MED6: variants seen among roughly 807,000 people sequenced by gnomAD.
MED6 encodes the protein mediator complex subunit 6.
Under a neutral mutation model 37.5 loss-of-function variants are expected in MED6, and 33 were observed. The ratio of observed to expected loss-of-function variants is 0.88; its 90% CI spans 0.67 to 1.18. MED6 has a LOEUF of 1.18. Ranked by LOEUF, MED6 falls within the 50% of genes most tolerant of loss-of-function variation. The pLI is 0.00. For missense variants in MED6, 235 were observed against 290.6 expected, an observed-to-expected ratio of 0.81 and a Z score of 1.39; for synonymous variants, 94 against 93.6, an observed-to-expected ratio of 1.00 and a Z score of -0.02.
In MED6 at chr14:70,593,391, GA is replaced by G; in HGVS notation, c.275-14del. ...GCTAGTGGGATAACTAAAACAGTGG[GA>G]AAAAAGGTTTATAAATACAGCTATG... On this transcript the variant is annotated splice_polypyrimidine_tract_variant and intron_variant, in intron 3 of 7. Transcript: ENST00000256379. The G allele has an allele frequency of 1.3e-6, 2 of 1,593,104 alleles. No individual in the cohort carries two copies. The highest frequency in any genetic ancestry group is 1.7e-6 in the Non-Finnish European group (2 of 1,165,290).
In MED6 at chr14:70,584,169, T is replaced by C; in HGVS notation, c.*644A>G. 1 of 757,838 alleles carries C rather than the reference T, an allele frequency of 1.3e-6. No homozygotes were observed. Among genetic ancestry groups the C allele is most frequent in the Admixed American group, 1.7e-5 (1 of 57,258 alleles). 46.9% of individuals were successfully genotyped at this position (757,838 alleles called of 1,614,324 possible). On this transcript the variant is annotated 3_prime_UTR_variant, in exon 8 of 8. Coordinates refer to ENST00000256379, the MANE Select transcript of MED6 (RefSeq NM_005466.4). ...AATATGCTTAGTTACTACTTTAACATCCTTTATGTCTTCAAAGTGCATCTG... is the reference window on the plus strand; with the variant it reads ...AATATGCTTAGTTACTACTTTAACACCCTTTATGTCTTCAAAGTGCATCTG...
chr14:70,598,224 G>A (rs1329171654), intron 1 of MED6, among the ~76,000 whole-genome samples: 1 of 151,940 alleles, frequency 6.6e-6, no homozygotes, highest in Non-Finnish European at 1.5e-5. Context: ...CACCCAGAAG[G>A]TCTCGGAGAT....
chr14:70,591,583 T>C (rs569456256), intron 5 of MED6: 57 of 477,902 alleles, frequency 1.2e-4, no homozygotes, highest in Non-Finnish European at 1.7e-4. Flanking sequence ...AGTTAAATTC[T>C]AACATTTAAG....
chr14:70,594,731 G>A (rs1884990585), intron 3 of MED6: 2 of 484,386 alleles, frequency 4.1e-6, no homozygotes, highest in Non-Finnish European at 7.7e-6. Flanking sequence ...TGGGGTACAG[G>A]AGCCTGGCCA....
rs1284773945 is a variant in MED6, at chr14:70,584,689, A to G, written c.*124T>C. The G allele has an allele frequency of 3.1e-6, 4 of 1,310,996 alleles. No individual in the cohort carries two copies. The highest frequency in any genetic ancestry group is 1.5e-5 in the African/African-American group (1 of 66,498). The allele number at this position is 1,310,996 out of a possible 1,614,324, so 81.2% of individuals were successfully genotyped here. A position where few individuals can be genotyped will look rare whatever the true frequency, so the allele number is the denominator to read the frequency against. ...CCACATCCGGCCTAATATCCTTTCAAAAAATAAGCGCATTCCATACAAATA... is the reference window on the plus strand; with the variant it reads ...CCACATCCGGCCTAATATCCTTTCAGAAAATAAGCGCATTCCATACAAATA... On this transcript the variant is annotated 3_prime_UTR_variant, in exon 8 of 8. Coordinates refer to ENST00000256379, the MANE Select transcript of MED6 (RefSeq NM_005466.4).
At chr14:70,598,393 T>A (rs1402938760) in intron 1 of MED6, among the ~76,000 whole-genome samples, 1 of 152,028 alleles carries the variant, frequency 6.6e-6, no homozygotes, top group Non-Finnish European at 1.5e-5. Context: ...GAGAATCACT[T>A]GGACCCAAGA....
At chr14:70,586,765 C>A (rs941098916) in intron 6 of MED6, among the ~76,000 whole-genome samples, 2 of 152,150 alleles carry the variant, frequency 1.3e-5, no homozygotes, top group African/African-American at 4.8e-5. Context: ...CTATCCTACT[C>A]CAACTGCAAG....
In MED6 at chr14:70,588,162, T is replaced by C. The variant is rs1232749313; in HGVS notation, c.583-2379A>G. 2.6e-5 allele frequency among the ~76,000 whole-genome samples: 4 copies of C among 152,180 alleles called. No individual in the cohort carries two copies. The East Asian group carries it at 7.7e-4, about 29-fold the overall frequency. On this transcript the variant is annotated intron_variant, in intron 6 of 7. Transcript: ENST00000256379. ...CTAGATCTGAGGCTGGAAAAATTTTTGTTAGGAAAAGCAAAAAGATTATTA... is the reference window on the plus strand; with the variant it reads ...CTAGATCTGAGGCTGGAAAAATTTTCGTTAGGAAAAGCAAAAAGATTATTA...
intron 7 of MED6, 38 bp from the exon 8 acceptor site, chr14:70,584,981 G>A: frequency 6.3e-7 from 1 of 1,599,410 alleles, no homozygotes; most frequent in Non-Finnish European, 8.5e-7. Context: ...AGGGAGATAT[G>A]GGTGGGGGGA....
chr14:70,591,217 T>C (rs1367392971), intron 6 of MED6, 49 bp downstream of exon 6: 5 of 1,315,450 alleles, frequency 3.8e-6, no homozygotes, highest in Non-Finnish European at 5.4e-6. Flanking sequence ...TTAATATATA[T>C]GCCATAAAGA....
intron 1 of MED6, among the ~76,000 whole-genome samples, chr14:70,598,825 G>C (rs1352289919): frequency 6.6e-6 from 1 of 152,092 alleles, no homozygotes; most frequent in Non-Finnish European, 1.5e-5. Context: ...ATAGCTACCA[G>C]TTTGAGATCT....
chr14:70,586,318 G>A (rs1177913769), intron 6 of MED6, among the ~76,000 whole-genome samples: 1 of 152,116 alleles, frequency 6.6e-6, no homozygotes, highest in Non-Finnish European at 1.5e-5. Context: ...AGCATTAGAG[G>A]TTAGAAACAA....
At chr14:70,589,000 C>A (rs989029068) in intron 6 of MED6, among the ~76,000 whole-genome samples, 1 of 151,766 alleles carries the variant, frequency 6.6e-6, no homozygotes. Flanking sequence ...TAGCCAGGGG[C>A]GGGGAAAAAA....
chr14:70,591,157 G>A lies in MED6; in HGVS notation c.582+109C>T, dbSNP rs150673178. The stretch of plus-strand genomic sequence containing the variant: ...ATACAGAGATCATTTTTTAACTAAT[G>A]AGGAAAATTGTACTTTTAGGTCACA... On this transcript the variant is annotated intron_variant, in intron 6 of 7. Transcript: ENST00000256379. The A allele has an allele frequency of 1.1e-3, 916 of 812,590 alleles. 7 individuals carry two copies. The African/African-American group carries it at 0.015, about 13-fold the overall frequency. The allele number at this position is 812,590 out of a possible 1,614,324, so 50.3% of individuals were successfully genotyped here. A position where few individuals can be genotyped will look rare whatever the true frequency, so the allele number is the denominator to read the frequency against.
intron 3 of MED6, chr14:70,595,095 C>A: frequency 1.9e-6 from 1 of 536,246 alleles, no homozygotes; most frequent in Non-Finnish European, 3.7e-6. Context: ...TGGAGAGCAA[C>A]ATCCATGGGC....
In MED6 at chr14:70,584,657, T is replaced by C. The variant is rs982976272; in HGVS notation, c.*156A>G. 3 of 978,562 alleles carry C rather than the reference T, an allele frequency of 3.1e-6. No homozygotes were observed. Among genetic ancestry groups the C allele is most frequent in the African/African-American group, 3.3e-5 (2 of 59,762 alleles). 60.6% of individuals were successfully genotyped at this position (978,562 alleles called of 1,614,324 possible). ...TCCCAAAGTGCTGGGATTACAGGCG[T>C]GAGCCACCACATCCGGCCTAATATC... On this transcript the variant is annotated 3_prime_UTR_variant, in exon 8 of 8. Transcript: ENST00000256379.
chr14:70,594,317 C>T (rs893850702), intron 3 of MED6, among the ~76,000 whole-genome samples: 9 of 152,204 alleles, frequency 5.9e-5, no homozygotes, highest in African/African-American at 1.9e-4. Flanking sequence ...CTGGACTCTA[C>T]ACTCTTCAGT....
chr14:70,590,354 G>A (rs1174069778), intron 6 of MED6, among the ~76,000 whole-genome samples: 1 of 152,138 alleles, frequency 6.6e-6, no homozygotes. Flanking sequence ...CCATCTTCAA[G>A]TGCAGTTGAT....
At position 70,587,729 on chromosome 14, in the gene MED6, T is replaced by TAATC. The variant is rs1206641484; in HGVS notation, c.583-1950_583-1947dup. Among the ~76,000 whole-genome samples the TAATC allele has an allele frequency of 2.6e-5, 4 of 152,232 alleles. No individual in the cohort carries two copies. The East Asian group carries it at 7.7e-4, about 29-fold the overall frequency. On this transcript the variant is annotated intron_variant, in intron 6 of 7. Transcript: ENST00000256379. ...ACAAGAGTGCTTCTTGGAGCAAATT[T>TAATC]AATCAGGTGGCTTTGGTTTAGATAA...
Sources: allele counts gnomAD v4.1 joint callset (sites outside exome capture counted in the v4.1 genomes callset), GRCh38; gene constraint gnomAD v4.1.1; transcripts MANE v1.5; gene names NCBI Gene and HGNC (gene_info 2026-07-23, HGNC 2026-07-21).